RBFOX1: variants seen among roughly 807,000 people sequenced by gnomAD.
RBFOX1 encodes the protein RNA binding protein fox-1 homolog 1.
A neutral mutation model predicts 57.7 loss-of-function variants in RBFOX1; 8 were observed. The ratio of observed to expected loss-of-function variants is 0.14; its 90% CI spans 0.08 to 0.25. The LOEUF (loss-of-function observed/expected upper bound fraction) is 0.25, where lower values mean the gene tolerates loss of function less well. Ranked by LOEUF, RBFOX1 falls within the 10% of genes least tolerant of loss-of-function variation. RBFOX1 has a pLI of 1.00. For synonymous variants in RBFOX1, 326 were observed against 222.4 expected (o/e 1.47, Z -4.15); for missense variants, 611 against 548.5 (o/e 1.11, Z -1.14).
At chr16:6,371,936 G>T (rs754479055) in intron 2 of RBFOX1, among the ~76,000 whole-genome samples, 13 of 152,180 alleles carry the variant, frequency 8.5e-5, no homozygotes, top group African/African-American at 3.1e-4. Context: ...CTTCAGAAGA[G>T]AGACTTCATA....
chr16:6,508,855 C>G (rs1279007759), intron 2 of RBFOX1, among the ~76,000 whole-genome samples: 3 of 141,948 alleles, frequency 2.1e-5, no homozygotes, highest in African/African-American at 5.4e-5. Context: ...TTTGCACCAA[C>G]CTACGAATCA....
chr16:5,581,294 G>A (rs1051226552), intron 2 of RBFOX1, among the ~76,000 whole-genome samples: 1 of 152,188 alleles, frequency 6.6e-6, no homozygotes, highest in Non-Finnish European at 1.5e-5. Context: ...TAGACTTTGG[G>A]CGGAGACAGA....
chr16:5,797,366 C>G (rs1371305716), intron 3 of RBFOX1, among the ~76,000 whole-genome samples: 1 of 152,180 alleles, frequency 6.6e-6, no homozygotes, highest in South Asian at 2.1e-4. Context: ...CTTCAAGGAC[C>G]GTCTTGGAAC....
intron 1 of RBFOX1, among the ~76,000 whole-genome samples, chr16:6,225,051 C>A (rs977476095): frequency 1.3e-5 from 2 of 149,712 alleles, no homozygotes; most frequent in African/African-American, 2.5e-5. Context: ...AAAAATCACT[C>A]ACTCCAGGAA....
intron 3 of RBFOX1, among the ~76,000 whole-genome samples, chr16:6,681,494 A>G (rs1450089642): frequency 3.5e-5 from 5 of 142,816 alleles, no homozygotes; most frequent in East Asian, 2.2e-4. Context: ...TCTGTGATCA[A>G]TTAGTGATGT....
intron 3 of RBFOX1, among the ~76,000 whole-genome samples, chr16:6,785,672 ACCATGTT>A (rs1297011136): frequency 1.3e-5 from 2 of 152,222 alleles, no homozygotes; most frequent in Non-Finnish European, 2.9e-5. Flanking sequence ...CGTTCCATGT[ACCATGTT>A]CCATGTGAGC....
At chr16:7,516,529 A>G (rs1226455180) in intron 4 of RBFOX1, among the ~76,000 whole-genome samples, 1 of 152,232 alleles carries the variant, frequency 6.6e-6, no homozygotes, top group African/African-American at 2.4e-5. Flanking sequence ...TGGCTTCCCA[A>G]GGATGGACAA....
intron 4 of RBFOX1, among the ~76,000 whole-genome samples, chr16:5,909,455 G>A (rs1316998038): frequency 6.6e-6 from 1 of 152,120 alleles, no homozygotes; most frequent in Non-Finnish European, 1.5e-5. Flanking sequence ...TAGATAAAAG[G>A]AGAGATGGTC....
At chr16:5,717,954 C>T (rs1166938792) in intron 3 of RBFOX1, among the ~76,000 whole-genome samples, 1 of 152,202 alleles carries the variant, frequency 6.6e-6, no homozygotes, top group African/African-American at 2.4e-5. Flanking sequence ...TGCTTGATCA[C>T]AGTTCTTCAC....
intron 1 of RBFOX1, among the ~76,000 whole-genome samples, chr16:5,395,770 A>C (rs952803036): frequency 6.6e-6 from 1 of 152,166 alleles, no homozygotes; most frequent in Non-Finnish European, 1.5e-5. Flanking sequence ...CATTCTTTCC[A>C]CTGCTGACAG....
At chr16:7,310,134 C>T (rs1000281166) in intron 4 of RBFOX1, among the ~76,000 whole-genome samples, 6 of 152,182 alleles carry the variant, frequency 3.9e-5, no homozygotes, top group African/African-American at 1.4e-4. Context: ...CTGGCCCTGG[C>T]CCTTTAACCA....
At chr16:5,751,132 C>A (rs181622715) in intron 3 of RBFOX1, among the ~76,000 whole-genome samples, 1 of 152,150 alleles carries the variant, frequency 6.6e-6, no homozygotes, top group Non-Finnish European at 1.5e-5. Flanking sequence ...CATGAGCCAT[C>A]GTGCCTTGCC....
intron 2 of RBFOX1, among the ~76,000 whole-genome samples, chr16:6,562,957 C>T (rs1174283725): frequency 7.1e-6 from 1 of 140,370 alleles, no homozygotes; most frequent in Non-Finnish European, 1.5e-5. Flanking sequence ...ACAGCCCTTT[C>T]CTGGGTATGT....
intron 3 of RBFOX1, among the ~76,000 whole-genome samples, chr16:6,802,647 A>G (rs1177355599): frequency 1.3e-5 from 2 of 152,224 alleles, no homozygotes; most frequent in Non-Finnish European, 2.9e-5. Context: ...ACTGTACTCC[A>G]GCCTGGGTGG....
At chr16:7,662,388 A>C (rs961370429) in intron 12 of RBFOX1, among the ~76,000 whole-genome samples, 2 of 152,198 alleles carry the variant, frequency 1.3e-5, no homozygotes, top group Non-Finnish European at 2.9e-5. Flanking sequence ...ATCAGAGACA[A>C]ACCTCAGACT....
At chr16:5,498,582 G>C (rs2043081413) in intron 2 of RBFOX1, among the ~76,000 whole-genome samples, 1 of 152,204 alleles carries the variant, frequency 6.6e-6, no homozygotes, top group African/African-American at 2.4e-5. Flanking sequence ...CATGGCACTG[G>C]GAAGATGTTT....
chr16:5,507,677 G>T (rs12918893), intron 2 of RBFOX1, among the ~76,000 whole-genome samples: 1 of 152,204 alleles, frequency 6.6e-6, no homozygotes, highest in Non-Finnish European at 1.5e-5. Context: ...AGTGGGGTGG[G>T]TCTTAATCCA....
At chr16:7,012,887 G>C (rs1053768719) in intron 3 of RBFOX1, among the ~76,000 whole-genome samples, 1 of 152,140 alleles carries the variant, frequency 6.6e-6, no homozygotes, top group African/African-American at 2.4e-5. Flanking sequence ...AGCTGGGGAG[G>C]CTGGAAGTTC....
chr16:5,679,193 G>A (rs1401589590), intron 3 of RBFOX1, among the ~76,000 whole-genome samples: 1 of 152,188 alleles, frequency 6.6e-6, no homozygotes, highest in East Asian at 1.9e-4. Context: ...GATCTTTTCT[G>A]CAAGGGCGCA....
Sources: allele counts gnomAD v4.1 joint callset (sites outside exome capture counted in the v4.1 genomes callset), GRCh38; gene constraint gnomAD v4.1.1; transcripts MANE v1.5; gene names NCBI Gene and HGNC (gene_info 2026-07-23, HGNC 2026-07-21).